CENPW: variants seen among roughly 807,000 people sequenced by gnomAD.
CENPW encodes the protein cancer-up-regulated gene 2 protein.
Under a neutral mutation model 11.1 loss-of-function variants are expected in CENPW, and 3 were observed. That is an observed-to-expected ratio of 0.27 (90% confidence interval 0.12 to 0.70). CENPW has a LOEUF of 0.70. Ranked by LOEUF, CENPW falls within the 30% of genes least tolerant of loss-of-function variation. The probability of loss-of-function intolerance (pLI) is 0.77; values close to 1 mark genes in which losing one functional copy is unlikely to be tolerated. For missense variants in CENPW, 100 were observed against 105.6 expected (o/e 0.95, Z 0.23); for synonymous variants, 38 against 42.0 (o/e 0.91, Z 0.37).
the CENPW span, among the ~76,000 whole-genome samples, chr6:126,448,312 C>T: frequency 6.6e-6 from 1 of 151,100 alleles, no homozygotes; most frequent in South Asian, 2.1e-4. Context: ...GCCTCTGGTA[C>T]TTAATATGTA....
chr6:126,357,711 T>A, the CENPW span, among the ~76,000 whole-genome samples: 22 of 151,912 alleles, frequency 1.4e-4, no homozygotes, highest in Non-Finnish European at 3.1e-4. Flanking sequence ...CAGGTTCAAG[T>A]GATTGTCCTG....
At chr6:126,480,076 C>A in the CENPW span, among the ~76,000 whole-genome samples, 2 of 152,020 alleles carry the variant, frequency 1.3e-5, no homozygotes, top group Admixed American at 1.3e-4. Flanking sequence ...ATGTTATAGT[C>A]CTTTTCCCAT....
the CENPW span, among the ~76,000 whole-genome samples, chr6:126,408,151 T>C: frequency 6.6e-6 from 1 of 152,084 alleles, no homozygotes; most frequent in African/African-American, 2.4e-5. Context: ...TTGAAATTAA[T>C]AAATGGTGCT....
chr6:126,377,010 C>T, the CENPW span, among the ~76,000 whole-genome samples: 1 of 152,048 alleles, frequency 6.6e-6, no homozygotes, highest in African/African-American at 2.4e-5. Context: ...TCAATTAAAT[C>T]ATTTCTTTAA....
At chr6:126,445,800 C>T in the CENPW span, among the ~76,000 whole-genome samples, 6 of 151,186 alleles carry the variant, frequency 4.0e-5, no homozygotes, top group South Asian at 1.2e-3. Flanking sequence ...ATTTATTTTA[C>T]TTATAAAAGA....
chr6:126,454,008 A>G, the CENPW span, among the ~76,000 whole-genome samples: 1 of 151,512 alleles, frequency 6.6e-6, no homozygotes, highest in Non-Finnish European at 1.5e-5. Context: ...GGTTCAATTC[A>G]ACAAGAAGAC....
At chr6:126,432,782 G>T in the CENPW span, among the ~76,000 whole-genome samples, 1 of 152,140 alleles carries the variant, frequency 6.6e-6, no homozygotes, top group Non-Finnish European at 1.5e-5. Context: ...TCTGAGCTGT[G>T]CATATCACTT....
At chr6:126,469,584 C>T in the CENPW span, among the ~76,000 whole-genome samples, 2 of 152,080 alleles carry the variant, frequency 1.3e-5, no homozygotes, top group African/African-American at 2.4e-5. Context: ...AGAGTTGGAA[C>T]AGTTAGGAGG....
At chr6:126,363,755 T>A in the CENPW span, among the ~76,000 whole-genome samples, 1 of 152,220 alleles carries the variant, frequency 6.6e-6, no homozygotes, top group Non-Finnish European at 1.5e-5. Context: ...TAAGAAAATC[T>A]CCTATCAACC....
the CENPW span, among the ~76,000 whole-genome samples, chr6:126,379,231 C>A: frequency 1.3e-5 from 2 of 152,098 alleles, no homozygotes; most frequent in African/African-American, 4.8e-5. Flanking sequence ...TAAGGAGCTC[C>A]AAGTGCTTTA....
downstream of CENPW, chr6:126,348,916 C>T (rs554941338): frequency 6.5e-6 from 1 of 153,014 alleles, no homozygotes; most frequent in Non-Finnish European, 1.5e-5. Flanking sequence ...AATATTTTAA[C>T]TTTTAATGTC....
At chr6:126,424,133 C>G in the CENPW span, among the ~76,000 whole-genome samples, 1 of 152,088 alleles carries the variant, frequency 6.6e-6, no homozygotes, top group Non-Finnish European at 1.5e-5. Flanking sequence ...CTACTAACAT[C>G]TATTGTCTCA....
chr6:126,456,638 C>A, the CENPW span, among the ~76,000 whole-genome samples: 16 of 151,336 alleles, frequency 1.1e-4, no homozygotes, highest in Admixed American at 9.9e-4. Context: ...TGGACATAGA[C>A]CCTGACAAAG....
the CENPW span, among the ~76,000 whole-genome samples, chr6:126,481,152 C>T: frequency 2.0e-5 from 3 of 151,904 alleles, no homozygotes; most frequent in Non-Finnish European, 2.9e-5. Flanking sequence ...CTCCTCTTGT[C>T]GTCTCTTCAT....
At chr6:126,426,660 T>G in the CENPW span, among the ~76,000 whole-genome samples, 3 of 152,120 alleles carry the variant, frequency 2.0e-5, no homozygotes, top group African/African-American at 7.2e-5. Flanking sequence ...CAGGACCAAT[T>G]AGATATTCAT....
At chr6:126,430,870 A>G in the CENPW span, among the ~76,000 whole-genome samples, 5 of 152,056 alleles carry the variant, frequency 3.3e-5, no homozygotes, top group African/African-American at 1.2e-4. Context: ...CAGTGAGCCG[A>G]GATGGCGCCA....
chr6:126,348,058 T>C (rs563312572), intron 2 of CENPW, among the ~76,000 whole-genome samples: 9 of 152,160 alleles, frequency 5.9e-5, no homozygotes, highest in Admixed American at 2.0e-4. Flanking sequence ...AATAGACTTT[T>C]TGAGTCTAAT....
the CENPW span, among the ~76,000 whole-genome samples, chr6:126,370,934 G>A: frequency 2.0e-5 from 3 of 151,716 alleles, no homozygotes; most frequent in African/African-American, 4.8e-5. Context: ...TTGTGTGTGT[G>A]TGTGTGTTTT....
In CENPW at chr6:126,340,410, A is replaced by G. The variant is rs1780279570; in HGVS notation, c.126+11A>G. On this transcript the variant is annotated intron_variant, in intron 1 of 2. Coordinates refer to ENST00000368328, the MANE Select transcript of CENPW (RefSeq NM_001012507.4). ...AGTGGTGACTTATTGGTGAGATTCC[A>G]TCCCTTCTCGGGCTGGGAATGGGGC... The G allele has an allele frequency of 6.2e-7, 1 of 1,614,166 alleles. No homozygotes were observed. The highest frequency in any genetic ancestry group is 8.5e-7 in the Non-Finnish European group (1 of 1,180,034).
Sources: allele counts gnomAD v4.1 joint callset (sites outside exome capture counted in the v4.1 genomes callset), GRCh38; gene constraint gnomAD v4.1.1; transcripts MANE v1.5; gene names NCBI Gene and HGNC (gene_info 2026-07-23, HGNC 2026-07-21).